The following KIAA1217 variants were observed in gnomAD, a reference collection of about 807,000 sequenced individuals.
The protein encoded by KIAA1217 is KIAA1217.
A neutral mutation model predicts 163.9 loss-of-function variants in KIAA1217; 88 were observed. That is an observed-to-expected ratio of 0.54 (90% CI 0.45 to 0.64). The LOEUF (loss-of-function observed/expected upper bound fraction) is 0.64, where lower values mean the gene tolerates loss of function less well. Ranked by LOEUF, KIAA1217 falls within the 30% of genes least tolerant of loss-of-function variation. The pLI is 0.00. For missense variants in KIAA1217, 2,372 were observed against 2,475.0 expected, an observed-to-expected ratio of 0.96 and a Z score of 0.88; for synonymous variants, 903 against 923.1, an observed-to-expected ratio of 0.98 and a Z score of 0.39.
At chr10:24,484,194 GATATAC>G (rs2065053532) in intron 6 of KIAA1217, among the ~76,000 whole-genome samples, 1 of 129,932 alleles carries the variant, frequency 7.7e-6, no homozygotes, top group Non-Finnish European at 1.6e-5. Flanking sequence ...CATATATATT[GATATAC>G]ATATATATAG....
intron 2 of KIAA1217, among the ~76,000 whole-genome samples, chr10:24,329,486 A>G (rs1302718364): frequency 6.6e-6 from 1 of 152,134 alleles, no homozygotes; most frequent in East Asian, 1.9e-4. Context: ...TTCAAATATA[A>G]GTGCATCACT....
chr10:23,926,803 C>A (rs1843040575), intron 1 of KIAA1217, among the ~76,000 whole-genome samples: 1 of 151,892 alleles, frequency 6.6e-6, no homozygotes. Context: ...CTTCCTCCCT[C>A]TTTTCTTCCT....
chr10:24,268,954 C>T (rs1008078538), intron 2 of KIAA1217, among the ~76,000 whole-genome samples: 1 of 144,688 alleles, frequency 6.9e-6, no homozygotes, highest in African/African-American at 2.6e-5. Context: ...TAAACTATCG[C>T]AAGGACAAAA....
chr10:24,499,356 G>A (rs1045166931), intron 8 of KIAA1217, among the ~76,000 whole-genome samples: 2 of 152,224 alleles, frequency 1.3e-5, no homozygotes, highest in African/African-American at 4.8e-5. Flanking sequence ...CTCTTTCGAG[G>A]ATGATTTTGA....
At chr10:24,169,986 G>A (rs1246792807) in intron 2 of KIAA1217, among the ~76,000 whole-genome samples, 2 of 152,112 alleles carry the variant, frequency 1.3e-5, no homozygotes, top group Non-Finnish European at 2.9e-5. Flanking sequence ...TTCATAAACA[G>A]GCTATATCTG....
At chr10:24,104,714 G>C (rs1307586557) in intron 2 of KIAA1217, among the ~76,000 whole-genome samples, 2 of 152,190 alleles carry the variant, frequency 1.3e-5, no homozygotes, top group Non-Finnish European at 2.9e-5. Context: ...GTACCACTGT[G>C]ATTCAGATAT....
chr10:24,545,648 A>T, intron 20 of KIAA1217, 179 bp from the exon 21 acceptor site: 1 of 1,422,654 alleles, frequency 7.0e-7, no homozygotes, highest in Non-Finnish European at 9.1e-7. Flanking sequence ...TTTGCTATGT[A>T]CATGGGGGGT....
At position 23,790,605 on chromosome 10, in the gene KIAA1217, A is replaced by G. The variant is rs866264605; in HGVS notation, c.-321+95371A>G. Among the ~76,000 whole-genome samples the G allele has an allele frequency of 1.1e-4, 14 of 124,096 alleles. 3 individuals carry two copies. The highest frequency in any genetic ancestry group is 4.7e-4 in the African/African-American group (13 of 27,568). The allele number at this position is 124,096 out of a possible 152,430, so 81.4% of individuals were successfully genotyped here. A position where few individuals can be genotyped will look rare whatever the true frequency, so the allele number is the denominator to read the frequency against. The stretch of plus-strand genomic sequence containing the variant: ...TATATGTACATATATACATGTACAT[A>G]TATACATATGTATATATACATATAT... On this transcript the variant is annotated intron_variant, in intron 1 of 18. Transcript: ENST00000376462.
chr10:24,345,397 G>A (rs1008045485), intron 2 of KIAA1217, among the ~76,000 whole-genome samples: 1 of 152,222 alleles, frequency 6.6e-6, no homozygotes, highest in African/African-American at 2.4e-5. Flanking sequence ...GCAGCCTACT[G>A]CTGTGAGCCT....
At chr10:23,769,069 G>A (rs1257865221) in intron 1 of KIAA1217, among the ~76,000 whole-genome samples, 2 of 152,296 alleles carry the variant, frequency 1.3e-5, no homozygotes, top group Non-Finnish European at 2.9e-5. Flanking sequence ...AGTAATCCAT[G>A]CAGAGCTGGA....
At chr10:24,389,278 A>C (rs2054495392) in intron 3 of KIAA1217, among the ~76,000 whole-genome samples, 1 of 152,134 alleles carries the variant, frequency 6.6e-6, no homozygotes, top group Non-Finnish European at 1.5e-5. Context: ...GGAAACCATC[A>C]TTCTCAGCAA....
At position 23,851,200 on chromosome 10, in the gene KIAA1217, T is replaced by C. The variant is rs1002654552; in HGVS notation, c.-321+155966T>C. On this transcript the variant is annotated intron_variant, in intron 1 of 18. Transcript: ENST00000376462. ...CACAACAGTCCCCAGAGTGTGATGT[T>C]CCCCTTCCTGTGTCCATGTGTTCTC... Among the ~76,000 whole-genome samples, 5 of 152,052 alleles carry C rather than the reference T, an allele frequency of 3.3e-5. 1 individual carries two copies. Among genetic ancestry groups the C allele is most frequent in the African/African-American group, 1.2e-4 (5 of 41,386 alleles).
chr10:24,026,400 A>T (rs762236831), intron 2 of KIAA1217, among the ~76,000 whole-genome samples: 2 of 151,844 alleles, frequency 1.3e-5, no homozygotes, highest in Non-Finnish European at 2.9e-5. Context: ...CTCAGCCTGG[A>T]GCTTTCATCT....
rs757673282 is a variant in KIAA1217, at chr10:24,545,031, C to T, written c.5262C>T (p.Ala1754=). The T allele has an allele frequency of 1.4e-4, 224 of 1,614,084 alleles. No homozygotes were observed. The highest frequency in any genetic ancestry group is 1.8e-4 in the Non-Finnish European group (216 of 1,180,002). ...GCAGGATGCCTGTCCCCATGAGTGC[C>T]AAGAACAGACCCGGAACCCTGGACA... ...QTSRMPVPMS[A]KNRPGTLDKP... The change falls in exon 20 of 21, where the codon GCC becomes GCT. Residue 1754 remains alanine (A), a synonymous_variant. Transcript: ENST00000376454.
intron 2 of KIAA1217, among the ~76,000 whole-genome samples, chr10:24,050,419 T>C (rs1203595782): frequency 6.6e-6 from 1 of 152,238 alleles, no homozygotes; most frequent in Non-Finnish European, 1.5e-5. Flanking sequence ...GGTTTTCTTC[T>C]AGGATTTTTA....
In KIAA1217 at chr10:24,211,058, C is replaced by T. The variant is rs2130645963; in HGVS notation, c.70+1795C>T. On this transcript the variant is annotated intron_variant, in intron 1 of 20. Coordinates refer to ENST00000376454, the MANE Select transcript of KIAA1217 (RefSeq NM_019590.5). Reference sequence around the variant, plus strand: ...TTAACTGAGCAGTCCTGTATCTTATCTGGCAACCCTATTTGATGGAAATAA... The same window carrying T: ...TTAACTGAGCAGTCCTGTATCTTATTTGGCAACCCTATTTGATGGAAATAA... Among the ~76,000 whole-genome samples the T allele has an allele frequency of 2.0e-5, 3 of 152,016 alleles. No homozygotes were observed. In the East Asian group the frequency reaches 5.8e-4, roughly 29 times the overall value.
At chr10:24,281,529 T>C (rs1472278069) in intron 2 of KIAA1217, among the ~76,000 whole-genome samples, 2 of 152,210 alleles carry the variant, frequency 1.3e-5, no homozygotes, top group African/African-American at 4.8e-5. Flanking sequence ...ATGATACAGT[T>C]AGATTGCTTG....
intron 2 of KIAA1217, among the ~76,000 whole-genome samples, chr10:24,082,163 G>GA (rs1393295788): frequency 2.0e-5 from 3 of 152,166 alleles, no homozygotes; most frequent in African/African-American, 7.2e-5. Flanking sequence ...CTTCACCCCA[G>GA]AGGAATTCAC....
chr10:24,459,008 G>A (rs546532984), intron 5 of KIAA1217, among the ~76,000 whole-genome samples: 2 of 152,094 alleles, frequency 1.3e-5, no homozygotes, highest in African/African-American at 2.4e-5. Flanking sequence ...CAGATTCCTC[G>A]GCACCACCCG....
Sources: gnomAD v4.1 joint callset for allele counts (sites outside exome capture counted in the v4.1 genomes callset) on GRCh38, gnomAD v4.1.1 for gene constraint, MANE v1.5 for transcripts, NCBI Gene and HGNC (gene_info 2026-07-23, HGNC 2026-07-21) for gene names.